The following ATP8B1 variants were observed in gnomAD, a reference collection of about 807,000 sequenced individuals.
ATP8B1 encodes ATPase phospholipid transporting 8B1.
ATP8B1 carries 80 observed loss-of-function variants against 149.9 expected under a neutral mutation model. The ratio of observed to expected loss-of-function variants is 0.53; its 90% CI spans 0.45 to 0.64. ATP8B1 has a LOEUF of 0.64. ATP8B1 is among the 30% of genes least tolerant of loss of function. ATP8B1 has a pLI of 0.00. For missense variants in ATP8B1, 1,247 were observed against 1,552.6 expected (o/e 0.80, Z 3.31); for synonymous variants, 536 against 562.8 (o/e 0.95, Z 0.67).
chr18:57,728,051 C>T (rs984329237), intron 2 of ATP8B1, among the ~76,000 whole-genome samples: 2 of 152,130 alleles, frequency 1.3e-5, no homozygotes, highest in Non-Finnish European at 2.9e-5. Flanking sequence ...TCACAAAACA[C>T]AATAAAGGTC....
intron 24 of ATP8B1, among the ~76,000 whole-genome samples, chr18:57,653,280 T>C (rs1453448668): frequency 6.9e-6 from 1 of 144,456 alleles, no homozygotes; most frequent in Non-Finnish European, 1.5e-5. Flanking sequence ...TCCTTTTCTT[T>C]TCTTTTTTTT....
intron 2 of ATP8B1, among the ~76,000 whole-genome samples, chr18:57,731,063 G>T (rs767214075): frequency 2.1e-4 from 32 of 152,036 alleles, no homozygotes; most frequent in Admixed American, 3.9e-4. Context: ...AGAGGTTGAG[G>T]TGGGCAGATC....
At chr18:57,718,253 T>C (rs1463891886) in intron 2 of ATP8B1, among the ~76,000 whole-genome samples, 1 of 150,690 alleles carries the variant, frequency 6.6e-6, no homozygotes, top group Non-Finnish European at 1.5e-5. Flanking sequence ...AATTGGAAAA[T>C]GTAGAAAAAA....
chr18:57,654,789 C>T (rs146894595), intron 23 of ATP8B1, among the ~76,000 whole-genome samples: 2,460 of 146,632 alleles, frequency 0.017, 69 homozygotes, highest in African/African-American at 0.059. Flanking sequence ...CAGGTTCAAG[C>T]GATTCTCCTG....
At chr18:57,700,791 G>A (rs567146147) in intron 6 of ATP8B1, among the ~76,000 whole-genome samples, 3 of 152,094 alleles carry the variant, frequency 2.0e-5, no homozygotes, top group Admixed American at 6.6e-5. Flanking sequence ...GGTGGTGCAC[G>A]CCTGTAATCC....
Position 57,671,550 on chromosome 18 carries a change from T to G in ATP8B1, c.1850A>C (p.Tyr617Ser). ...AATAACAGTGTCAGCACCTTTACAG[T>G]AAAGCTTGATATTGCCTTCTGGGGT... Reference protein sequence around the residue: ...VRTPEGNIKLYCKGADTVIYE... With the variant: ...VRTPEGNIKLSCKGADTVIYE... Residue 617 changes from tyrosine (Y) to serine (S), a missense_variant, in exon 17 of 28, where the codon TAC becomes TCC. Physicochemically the swap from Tyr to Ser is moderately radical, Grantham distance 144 (BLOSUM62 -2). Around this residue, in one of 3 missense-constraint regions of ATP8B1, gnomAD observed 853 missense variants for 1,035.7 expected, o/e 0.82. Coordinates refer to ENST00000648908, the MANE Select transcript of ATP8B1 (RefSeq NM_001374385.1). The G allele has an allele frequency of 6.2e-7, 1 of 1,613,968 alleles. No individual in the cohort carries two copies. The highest frequency in any genetic ancestry group is 2.2e-5 in the East Asian group (1 of 44,878).
At chr18:57,748,484 G>A (rs2079986254) in intron 1 of ATP8B1, among the ~76,000 whole-genome samples, 2 of 152,298 alleles carry the variant, frequency 1.3e-5, no homozygotes, top group South Asian at 2.1e-4. Flanking sequence ...GAGACAATAA[G>A]CTTCTGTTCT....
At chr18:57,730,690 C>T (rs566053453) in intron 2 of ATP8B1, among the ~76,000 whole-genome samples, 3 of 152,306 alleles carry the variant, frequency 2.0e-5, no homozygotes, top group Non-Finnish European at 4.4e-5. Context: ...GCAGAGACCA[C>T]GTGGTCCACA....
At chr18:57,651,304 C>T (rs371721754) in intron 26 of ATP8B1, among the ~76,000 whole-genome samples, 1 of 152,132 alleles carries the variant, frequency 6.6e-6, no homozygotes, top group East Asian at 1.9e-4. Context: ...TGGGGTTTCA[C>T]CATGTTGCCC....
At chr18:57,776,579 T>C (rs1038762303) in intron 1 of ATP8B1, among the ~76,000 whole-genome samples, 3 of 150,732 alleles carry the variant, frequency 2.0e-5, no homozygotes, top group Non-Finnish European at 4.4e-5. Flanking sequence ...GGAGGGGAAA[T>C]AAAACAGCAA....
At chr18:57,686,753 C>G (rs1299081203) in intron 13 of ATP8B1, among the ~76,000 whole-genome samples, 2 of 151,978 alleles carry the variant, frequency 1.3e-5, no homozygotes, top group East Asian at 1.9e-4. Flanking sequence ...CCAGGCTGGT[C>G]TCAAAGTCCT....
intron 15 of ATP8B1, among the ~76,000 whole-genome samples, chr18:57,682,636 T>C (rs1285043229): frequency 3.3e-5 from 5 of 152,158 alleles, no homozygotes; most frequent in African/African-American, 9.7e-5. Flanking sequence ...TCAAATAGAC[T>C]TAGACCTCTG....
intron 1 of ATP8B1, among the ~76,000 whole-genome samples, chr18:57,782,642 C>G (rs911107699): frequency 6.6e-6 from 1 of 152,100 alleles, no homozygotes; most frequent in Non-Finnish European, 1.5e-5. Flanking sequence ...CGCACACACA[C>G]AGACAAAAAA....
At chr18:57,794,463 TAAAAAAAAAAAAA>T (rs58976028) in intron 1 of ATP8B1, among the ~76,000 whole-genome samples, 2 of 110,444 alleles carry the variant, frequency 1.8e-5, no homozygotes, top group Non-Finnish European at 3.6e-5. Flanking sequence ...AACCTGACAT[TAAAAAAAAAAAAA>T]AAAAAAAAAG....
intron 1 of ATP8B1, among the ~76,000 whole-genome samples, chr18:57,782,693 C>T (rs2080367694): frequency 6.6e-6 from 1 of 151,724 alleles, no homozygotes; most frequent in Non-Finnish European, 1.5e-5. Context: ...TAGAAAGGCT[C>T]CAGATAATAT....
chr18:57,733,004 C>T (rs77134505), intron 1 of ATP8B1, among the ~76,000 whole-genome samples: 2,087 of 152,222 alleles, frequency 0.014, 43 homozygotes, highest in African/African-American at 0.047. Context: ...ACTGACTTCC[C>T]AGGAACACTC....
chr18:57,688,840 G>A (rs1030787265), intron 12 of ATP8B1, among the ~76,000 whole-genome samples: 1 of 152,190 alleles, frequency 6.6e-6, no homozygotes, highest in Non-Finnish European at 1.5e-5. Flanking sequence ...AGCAGAAAGT[G>A]AGCCTTTGCC....
chr18:57,720,945 C>T (rs1378025363), intron 2 of ATP8B1, among the ~76,000 whole-genome samples: 3 of 149,106 alleles, frequency 2.0e-5, no homozygotes, highest in Admixed American at 6.7e-5. Context: ...CAGTATTCAA[C>T]ATTCTTAAAG....
Position 57,691,859 on chromosome 18 carries a change from A to G in ATP8B1, c.1168T>C (p.Trp390Arg). ...GTGTTGAGAACAATGATATAGCCCC[A>G]GAAAATGAGGAATCCACGGTAGGAG... is the stretch of plus-strand genomic sequence containing the variant. ...TPSYRGFLIF[W>R]GYIIVLNTMV... Residue 390 changes from tryptophan (W) to arginine (R), a missense_variant, in exon 12 of 28, where the codon TGG becomes CGG. Physicochemically the swap from Trp to Arg is moderately radical, Grantham distance 101. Transcript: ENST00000648908. 1.9e-6 allele frequency: 3 copies of G among 1,614,202 alleles called. No homozygotes were observed. Among genetic ancestry groups the G allele is most frequent in the Non-Finnish European group, 2.5e-6 (3 of 1,180,024 alleles).
Sources: allele counts gnomAD v4.1 joint callset (sites outside exome capture counted in the v4.1 genomes callset), GRCh38; gene constraint gnomAD v4.1.1; regional missense constraint gnomAD v4.1.1; transcripts MANE v1.5; gene names NCBI Gene and HGNC (gene_info 2026-07-23, HGNC 2026-07-21).